IQGAP2: variants seen among roughly 807,000 people sequenced by gnomAD.
The protein encoded by IQGAP2 is ras GTPase-activating-like protein IQGAP2.
Under a neutral mutation model 201.3 loss-of-function variants are expected in IQGAP2, and 173 were observed. The observed-to-expected ratio is 0.86, with a 90% CI of 0.76 to 0.98. The LOEUF is 0.98. IQGAP2 is among the 50% of genes least tolerant of loss of function. The probability of loss-of-function intolerance (pLI) is 0.00; values close to 1 mark genes in which losing one functional copy is unlikely to be tolerated. For missense variants in IQGAP2, 1,687 were observed against 1,864.8 expected (o/e 0.90, Z 1.76); for synonymous variants, 675 against 673.9 (o/e 1.00, Z -0.03).
At chr5:76,434,030 G>A (rs139159606) in intron 1 of IQGAP2, among the ~76,000 whole-genome samples, 63 of 152,158 alleles carry the variant, frequency 4.1e-4, no homozygotes, top group African/African-American at 1.5e-3. Flanking sequence ...TTTTAGAATT[G>A]CCATCAGATT....
intron 3 of IQGAP2, among the ~76,000 whole-genome samples, chr5:76,564,862 G>GTC (rs1744635277): frequency 2.0e-5 from 3 of 152,226 alleles, no homozygotes; most frequent in Admixed American, 2.0e-4. Context: ...AGGTGCAGCA[G>GTC]GAGGGAGATC....
chr5:76,705,316 C>G (rs547522217), intron 35 of IQGAP2, among the ~76,000 whole-genome samples: 2 of 152,174 alleles, frequency 1.3e-5, no homozygotes, highest in Non-Finnish European at 2.9e-5. Context: ...CCCAGTAGCA[C>G]CCTTGTGAAA....
At chr5:76,429,579 A>AATTTATATATATATATATATAT (rs1561364920) in intron 1 of IQGAP2, among the ~76,000 whole-genome samples, 7 of 122,404 alleles carry the variant, frequency 5.7e-5, no homozygotes, top group Non-Finnish European at 8.9e-5. Context: ...CTCAAAAAAA[A>AATTTATATATATATATATATAT]ATTTATATAT....
intron 30 of IQGAP2, among the ~76,000 whole-genome samples, chr5:76,689,675 G>A (rs1746098947): frequency 6.6e-6 from 1 of 152,176 alleles, no homozygotes; most frequent in Non-Finnish European, 1.5e-5. Context: ...CATGATCCCA[G>A]CTGAAAGATT....
At chr5:76,454,036 A>G (rs1462115636) in intron 1 of IQGAP2, among the ~76,000 whole-genome samples, 2 of 152,152 alleles carry the variant, frequency 1.3e-5, no homozygotes, top group East Asian at 3.8e-4. Context: ...GCAGTGGGCA[A>G]ATGGAATTTT....
chr5:76,496,214 G>T lies in IQGAP2; in HGVS notation c.146+34545G>T, dbSNP rs991320166. Among the ~76,000 whole-genome samples, 11 of 152,256 alleles carry T rather than the reference G, an allele frequency of 7.2e-5. 1 individual carries two copies. In the East Asian group the frequency reaches 1.5e-3, roughly 21 times the overall value. ...CAGCTTACATATTTATCATCTAATG[G>T]TTTCTTTAGCTCAGAAATGTGGGCA... is the stretch of plus-strand genomic sequence containing the variant. On this transcript the variant is annotated intron_variant, in intron 2 of 35. Coordinates refer to ENST00000274364, the MANE Select transcript of IQGAP2 (RefSeq NM_006633.5).
At chr5:76,443,809 C>T (rs1471335117) in intron 1 of IQGAP2, among the ~76,000 whole-genome samples, 3 of 152,152 alleles carry the variant, frequency 2.0e-5, no homozygotes, top group African/African-American at 7.2e-5. Flanking sequence ...GAAGTTTTAG[C>T]ACATTTATTG....
chr5:76,619,944 G>A (rs995406252), intron 13 of IQGAP2, among the ~76,000 whole-genome samples: 7 of 152,128 alleles, frequency 4.6e-5, no homozygotes, highest in African/African-American at 1.4e-4. Context: ...TATGCTGCTG[G>A]CTTTGAAGAT....
At chr5:76,563,681 G>A (rs1233207968) in intron 3 of IQGAP2, among the ~76,000 whole-genome samples, 1 of 152,106 alleles carries the variant, frequency 6.6e-6, no homozygotes, top group Admixed American at 6.5e-5. Flanking sequence ...GCAGGTCAAG[G>A]TTTCTAAAGC....
intron 3 of IQGAP2, among the ~76,000 whole-genome samples, chr5:76,568,004 C>A (rs190958217): frequency 6.6e-6 from 1 of 152,270 alleles, no homozygotes; most frequent in Admixed American, 6.5e-5. Context: ...ATATACAGGA[C>A]TGGAGCGGGA....
At chr5:76,451,261 A>T (rs576818744) in intron 1 of IQGAP2, among the ~76,000 whole-genome samples, 16 of 151,964 alleles carry the variant, frequency 1.1e-4, no homozygotes, top group Non-Finnish European at 2.2e-4. Context: ...CTTCCCCCAT[A>T]CCGTGCTCCT....
chr5:76,422,736 T>C (rs1165230003), intron 1 of IQGAP2, among the ~76,000 whole-genome samples: 3 of 152,204 alleles, frequency 2.0e-5, no homozygotes, highest in South Asian at 2.1e-4. Flanking sequence ...GAAGGAGGCA[T>C]GTACACACAG....
chr5:76,541,667 C>A (rs1403383095), intron 2 of IQGAP2, among the ~76,000 whole-genome samples: 1 of 152,212 alleles, frequency 6.6e-6, no homozygotes, highest in African/African-American at 2.4e-5. Context: ...GTTTCAACTT[C>A]TCATCATCCT....
chr5:76,504,530 A>G (rs1454389972), intron 2 of IQGAP2, among the ~76,000 whole-genome samples: 1 of 151,824 alleles, frequency 6.6e-6, no homozygotes, highest in Non-Finnish European at 1.5e-5. Flanking sequence ...TTTCCTGCCA[A>G]CTCCCAAATG....
At chr5:76,451,048 T>C (rs567759506) in intron 1 of IQGAP2, among the ~76,000 whole-genome samples, 1 of 152,316 alleles carries the variant, frequency 6.6e-6, no homozygotes, top group South Asian at 2.1e-4. Flanking sequence ...CTTCCAAATA[T>C]AAGTTTTGAC....
chr5:76,451,369 C>A (rs1753732685), intron 1 of IQGAP2, among the ~76,000 whole-genome samples: 1 of 152,150 alleles, frequency 6.6e-6, no homozygotes, highest in African/African-American at 2.4e-5. Context: ...CACAGGCTTG[C>A]TGCAGCCTTC....
chr5:76,671,693 A>G, intron 23 of IQGAP2, 66 bp from the exon 24 acceptor site: 173 of 935,312 alleles, frequency 1.8e-4, no homozygotes, highest in South Asian at 3.1e-4. Flanking sequence ...CTCGGGGAAA[A>G]AAAAAAAAAA....
At chr5:76,626,879 T>C (rs924730644) in intron 13 of IQGAP2, among the ~76,000 whole-genome samples, 19 of 151,494 alleles carry the variant, frequency 1.3e-4, no homozygotes, top group African/African-American at 4.6e-4. Context: ...GAGGGTAGAG[T>C]ATTGTGGTCT....
intron 4 of IQGAP2, among the ~76,000 whole-genome samples, chr5:76,574,105 T>G (rs1232117969): frequency 6.6e-6 from 1 of 152,210 alleles, no homozygotes; most frequent in Non-Finnish European, 1.5e-5. Context: ...AAATTGCACT[T>G]GAGTATCACG....
Sources: allele counts gnomAD v4.1 joint callset (sites outside exome capture counted in the v4.1 genomes callset), GRCh38; gene constraint gnomAD v4.1.1; transcripts MANE v1.5; gene names NCBI Gene and HGNC (gene_info 2026-07-23, HGNC 2026-07-21).